Variants in CCPG1 observed in about 807,000 individuals in gnomAD.
The protein encoded by CCPG1 is cell cycle progression protein 1.
CCPG1 carries 46 observed loss-of-function variants against 81.3 expected under a neutral mutation model. That is an observed-to-expected ratio of 0.57 (90% CI 0.45 to 0.72). The LOEUF is 0.72. CCPG1 is among the 30% of genes least tolerant of loss of function. CCPG1 has a pLI of 0.00. For missense variants in CCPG1, 902 were observed against 937.6 expected (o/e 0.96, Z 0.50); for synonymous variants, 330 against 305.2 (o/e 1.08, Z -0.85).
At chr15:55,405,663 T>C (rs2057204360) in intron 1 of CCPG1, among the ~76,000 whole-genome samples, 1 of 152,106 alleles carries the variant, frequency 6.6e-6, no homozygotes, top group Non-Finnish European at 1.5e-5. Flanking sequence ...TCCAGGCCAC[T>C]GCACTCCAGA....
chr15:55,360,487 T>C lies in CCPG1; in HGVS notation c.1286A>G (p.Glu429Gly), dbSNP rs2056168832. Residue 429 changes from glutamate (E) to glycine (G), a missense_variant, in exon 8 of 9, where the codon GAA (glutamate) becomes GGA (glycine). This residue lies in a region of CCPG1 where 746 missense variants were observed against 728.6 expected (regional missense o/e 1.02). Transcript: ENST00000442196. ...CTTCCGTTCCAGCTCAGTGAGTCTT[T>C]CCCGTAAGATTGCTATTTCCTTTTT... ...TEKKEIAILRERLTELERKLT... is the reference protein window; with the variant it reads ...TEKKEIAILRGRLTELERKLT... 1 of 1,614,152 alleles carries C rather than the reference T, an allele frequency of 6.2e-7. No homozygotes were observed. The highest frequency in any genetic ancestry group is 1.1e-5 in the South Asian group (1 of 91,078).
chr15:55,373,328 A>G (rs1444764357), intron 5 of CCPG1, among the ~76,000 whole-genome samples: 1 of 152,234 alleles, frequency 6.6e-6, no homozygotes, highest in Admixed American at 6.5e-5. Context: ...AAGAGCTCTA[A>G]AACAACAAAC....
At chr15:55,359,328 C>G in intron 8 of CCPG1, 1 of 1,260,394 alleles carries the variant, frequency 7.9e-7, no homozygotes, top group Non-Finnish European at 1.0e-6. Flanking sequence ...TTGCTCAAGT[C>G]AAAGTGATCA....
At chr15:55,376,469 T>C (rs1025139311) in intron 5 of CCPG1, among the ~76,000 whole-genome samples, 6 of 152,250 alleles carry the variant, frequency 3.9e-5, no homozygotes, top group Admixed American at 1.3e-4. Flanking sequence ...ACTAGCTGTA[T>C]TGATAGCACC....
chr15:55,375,351 TC>T (rs1321036728), intron 5 of CCPG1, among the ~76,000 whole-genome samples: 1 of 152,174 alleles, frequency 6.6e-6, no homozygotes, highest in Non-Finnish European at 1.5e-5. Flanking sequence ...ATTTGACTTT[TC>T]TGGGCCATGA....
chr15:55,396,278 A>C (rs1442889946), intron 1 of CCPG1, among the ~76,000 whole-genome samples: 1 of 152,234 alleles, frequency 6.6e-6, no homozygotes, highest in Non-Finnish European at 1.5e-5. Flanking sequence ...ATAGTAATTT[A>C]GAAATAAGCA....
In CCPG1 at chr15:55,359,951, T is replaced by C. The variant is rs780800784; in HGVS notation, c.1822A>G (p.Asn608Asp). ...VHFKEFRKNT[N>D]SKKCSPGHDC... ...TGCCCAGGACTGCATTTCTTTGAAT[T>C]TGTATTTTTTCTGAATTCTTTAAAG... The change falls in exon 8 of 9, where the codon AAT (asparagine) becomes GAT (aspartate). Residue 608 changes from asparagine (N) to aspartate (D), a missense_variant. Physicochemically the swap from Asn to Asp is conservative, Grantham distance 23 (BLOSUM62 1). This residue lies in a region of CCPG1 where 746 missense variants were observed against 728.6 expected (regional missense o/e 1.02). Coordinates refer to ENST00000442196, the MANE Select transcript of CCPG1 (RefSeq NM_001204450.2). The C allele has an allele frequency of 6.2e-6, 10 of 1,613,048 alleles. No individual in the cohort carries two copies. In the African/African-American group the frequency reaches 9.4e-5, roughly 15 times the overall value.
At chr15:55,372,379 G>A in intron 5 of CCPG1, 1 of 272,150 alleles carries the variant, frequency 3.7e-6, no homozygotes, top group East Asian at 9.5e-5. Context: ...TTTCATTGCT[G>A]GCCAGGAGCA....
chr15:55,373,021 G>C (rs751898346), intron 5 of CCPG1: 2 of 534,540 alleles, frequency 3.7e-6, no homozygotes, highest in African/African-American at 3.9e-5. Context: ...ATGAGGAAGT[G>C]ACACAACAGC....
At chr15:55,403,791 A>C (rs1196417144) in intron 1 of CCPG1, among the ~76,000 whole-genome samples, 3 of 152,230 alleles carry the variant, frequency 2.0e-5, no homozygotes, top group Admixed American at 6.5e-5. Context: ...AAAGAAACAC[A>C]AACATAATTC....
At position 55,360,581 on chromosome 15, in the gene CCPG1, C is replaced by T. The variant is rs749838423; in HGVS notation, c.1192G>A (p.Gly398Arg). 5 of 1,614,116 alleles carry T rather than the reference C, an allele frequency of 3.1e-6. No individual in the cohort carries two copies. The Admixed American group carries it at 6.7e-5, about 22-fold the overall frequency. ...RERLVTTALRGELQQLSGSQL... is the reference protein window; with the variant it reads ...RERLVTTALRRELQQLSGSQL... ...CTACCACTTAACTGCTGGAGTTCCC[C>T]CCTTAAAGCCGTAGTTACTAGTCGT... The change falls in exon 8 of 9, where the codon GGG becomes AGG. Residue 398 changes from glycine (G) to arginine (R), a missense_variant. Around this residue, in one of 3 missense-constraint regions of CCPG1, gnomAD observed 746 missense variants for 728.6 expected, o/e 1.02. Transcript: ENST00000442196.
At chr15:55,372,124 T>C in intron 5 of CCPG1, 80 bp from the exon 6 acceptor site, 2 of 1,351,970 alleles carry the variant, frequency 1.5e-6, no homozygotes, top group Non-Finnish European at 2.0e-6. Context: ...GAATAATCAA[T>C]GCCATCCCTT....
intron 5 of CCPG1, chr15:55,374,287 C>T: frequency 9.1e-7 from 1 of 1,095,750 alleles, no homozygotes; most frequent in Non-Finnish European, 1.2e-6. Flanking sequence ...AGGCATAAAG[C>T]TATATTATAA....
intron 1 of CCPG1, among the ~76,000 whole-genome samples, chr15:55,391,619 G>A (rs993397638): frequency 6.6e-6 from 1 of 152,078 alleles, no homozygotes; most frequent in Admixed American, 6.6e-5. Flanking sequence ...CTATAAATGA[G>A]GCTGCAAATT....
intron 8 of CCPG1, chr15:55,359,019 C>T: frequency 2.0e-6 from 2 of 982,294 alleles, no homozygotes; most frequent in Non-Finnish European, 2.4e-6. Context: ...CTCTTTGTGC[C>T]TCTACCTTTA....
At chr15:55,378,992 C>T (rs57897435) in intron 3 of CCPG1, among the ~76,000 whole-genome samples, 1 of 151,672 alleles carries the variant, frequency 6.6e-6, no homozygotes, top group African/African-American at 2.4e-5. Flanking sequence ...TTCATTAATA[C>T]CTAATATGAA....
At position 55,355,392 on chromosome 15, in the gene CCPG1, G is replaced by A. The variant is rs1379994163; in HGVS notation, c.*828C>T. On this transcript the variant is annotated 3_prime_UTR_variant, in exon 9 of 9. Coordinates refer to ENST00000442196, the MANE Select transcript of CCPG1 (RefSeq NM_001204450.2). ...GGAAGTCACATATATGTCTATGAAC[G>A]GAAGTTAAAAGGGAAATTCAACATG... The A allele has an allele frequency of 7.5e-6, 12 of 1,608,168 alleles. No homozygotes were observed. The highest frequency in any genetic ancestry group is 1.3e-5 in the African/African-American group (1 of 74,670).
rs565044184 is a variant in CCPG1 at position 55,363,799 on chromosome 15, C to CTTTTTTT, written c.828+1382_828+1388dup. On this transcript the variant is annotated intron_variant, in intron 7 of 8. Transcript: ENST00000442196. ...AATAGCTTACTTTTCTTTCCTTTTC[C>CTTTTTTT]TTTTTTTTTTTTTTTTTTTTTTTTG... 1.0e-3 allele frequency among the ~76,000 whole-genome samples: 95 copies of CTTTTTTT among 93,920 alleles called. 3 individuals carry two copies. Among genetic ancestry groups the CTTTTTTT allele is most frequent in the African/African-American group, 2.5e-3 (56 of 22,254 alleles). 61.6% of individuals were successfully genotyped at this position (93,920 alleles called of 152,430 possible). A position where few individuals can be genotyped will look rare whatever the true frequency, so the allele number is the denominator to read the frequency against.
intron 8 of CCPG1, chr15:55,358,051 G>C (rs2056118345): frequency 6.6e-6 from 1 of 152,134 alleles, no homozygotes; most frequent in African/African-American, 2.4e-5. Context: ...TTGTGTTCAA[G>C]TATCCCTAAG....
Sources: gnomAD v4.1 joint callset for allele counts (sites outside exome capture counted in the v4.1 genomes callset) on GRCh38, gnomAD v4.1.1 for gene constraint, gnomAD v4.1.1 regional missense constraint, MANE v1.5 for transcripts, NCBI Gene and HGNC (gene_info 2026-07-23, HGNC 2026-07-21) for gene names.